The following MED13L variants were observed in gnomAD, a reference collection of about 807,000 sequenced individuals.
MED13L encodes the protein mediator complex subunit 13L.
MED13L carries 7 observed loss-of-function variants against 220.9 expected under a neutral mutation model. That is an observed-to-expected ratio of 0.03 (90% confidence interval 0.02 to 0.06). MED13L has a LOEUF of 0.06. MED13L is among the 10% of genes least tolerant of loss of function. The pLI is 1.00. For synonymous variants in MED13L, 1,011 were observed against 1,015.2 expected (o/e 1.00, Z 0.08); for missense variants, 1,965 against 2,760.5 (o/e 0.71, Z 6.46).
chr12:116,034,344 C>T (rs918005212), intron 4 of MED13L, among the ~76,000 whole-genome samples: 1 of 152,010 alleles, frequency 6.6e-6, no homozygotes, highest in Non-Finnish European at 1.5e-5. Flanking sequence ...TGGCATTTTA[C>T]TAGAAGACTC....
intron 16 of MED13L, 129 bp downstream of exon 16, chr12:115,996,347 C>T: frequency 9.5e-7 from 1 of 1,047,204 alleles, no homozygotes; most frequent in African/African-American, 1.6e-5. Context: ...CCGCCTCCAC[C>T]TCCCAAAGTG....
chr12:116,268,567 T>G (rs1873008626), intron 1 of MED13L, among the ~76,000 whole-genome samples: 1 of 152,046 alleles, frequency 6.6e-6, no homozygotes, highest in Admixed American at 6.6e-5. Flanking sequence ...AGGAGGATCA[T>G]TTGAGGCCAG....
intron 7 of MED13L, among the ~76,000 whole-genome samples, chr12:116,015,780 C>G (rs1232769231): frequency 6.6e-6 from 1 of 152,166 alleles, no homozygotes; most frequent in Non-Finnish European, 1.5e-5. Flanking sequence ...AAAGTAATGG[C>G]ACAAAGCTTT....
chr12:116,168,595 C>G (rs954823756), intron 2 of MED13L, among the ~76,000 whole-genome samples: 32 of 152,144 alleles, frequency 2.1e-4, no homozygotes, highest in African/African-American at 7.7e-4. Context: ...AATGAGTATT[C>G]TAATCAATGA....
At chr12:116,091,044 G>A (rs1872153050) in intron 4 of MED13L, among the ~76,000 whole-genome samples, 1 of 145,594 alleles carries the variant, frequency 6.9e-6, no homozygotes, top group South Asian at 2.2e-4. Context: ...AGAATTGCTT[G>A]AACCTGGAGG....
intron 4 of MED13L, among the ~76,000 whole-genome samples, chr12:116,032,749 C>T (rs746820355): frequency 2.0e-5 from 3 of 152,162 alleles, no homozygotes; most frequent in Non-Finnish European, 4.4e-5. Context: ...GCACTCATCA[C>T]ACTGATACAC....
intron 2 of MED13L, among the ~76,000 whole-genome samples, chr12:116,199,483 C>A (rs149205932): frequency 1.6e-3 from 246 of 152,244 alleles, no homozygotes; most frequent in African/African-American, 5.8e-3. Flanking sequence ...AATTGTGTCA[C>A]CCTTGAGGCT....
chr12:116,004,145 G>A, intron 13 of MED13L, among the ~76,000 whole-genome samples: 1 of 152,070 alleles, frequency 6.6e-6, no homozygotes, highest in East Asian at 1.9e-4. Context: ...GATCAGGCAG[G>A]CCACTCCAAA....
At chr12:116,177,258 C>T (rs893383998) in intron 2 of MED13L, among the ~76,000 whole-genome samples, 3 of 152,116 alleles carry the variant, frequency 2.0e-5, no homozygotes, top group Non-Finnish European at 2.9e-5. Flanking sequence ...ATACATGATC[C>T]TGACTTCTAT....
chr12:116,196,717 CATTTAT>C (rs1378699530), intron 2 of MED13L, among the ~76,000 whole-genome samples: 1 of 152,150 alleles, frequency 6.6e-6, no homozygotes, highest in Non-Finnish European at 1.5e-5. Flanking sequence ...ATTTAGGCTG[CATTTAT>C]ATTATAAAAT....
intron 4 of MED13L, among the ~76,000 whole-genome samples, chr12:116,076,573 C>T (rs12322237): frequency 0.029 from 4,342 of 152,064 alleles, 196 homozygotes; most frequent in African/African-American, 0.099. Context: ...AACTACAAAA[C>T]GCACTCACTA....
intron 4 of MED13L, among the ~76,000 whole-genome samples, chr12:116,066,098 C>T (rs1379777270): frequency 6.6e-6 from 1 of 152,208 alleles, no homozygotes; most frequent in Non-Finnish European, 1.5e-5. Context: ...TTGACTCTCT[C>T]TCTCTCACAC....
chr12:116,184,678 C>T (rs1040536288), intron 2 of MED13L, among the ~76,000 whole-genome samples: 4 of 152,084 alleles, frequency 2.6e-5, no homozygotes, highest in Admixed American at 6.5e-5. Context: ...TTTCTGATGT[C>T]AAATATTCAC....
intron 2 of MED13L, among the ~76,000 whole-genome samples, chr12:116,113,114 A>T (rs1874219265): frequency 6.6e-6 from 1 of 152,218 alleles, no homozygotes; most frequent in African/African-American, 2.4e-5. Context: ...TAAATTAGTT[A>T]AAAATTCCTA....
intron 16 of MED13L, among the ~76,000 whole-genome samples, chr12:115,995,079 C>T (rs1878311933): frequency 6.6e-6 from 1 of 152,228 alleles, no homozygotes; most frequent in Non-Finnish European, 1.5e-5. Context: ...CTGTACTTTT[C>T]TGTCACCGTT....
intron 1 of MED13L, among the ~76,000 whole-genome samples, chr12:116,265,114 G>C (rs951282920): frequency 5.9e-5 from 9 of 152,106 alleles, no homozygotes; most frequent in African/African-American, 1.7e-4. Flanking sequence ...GAACTACCAA[G>C]CTGCCCAAAT....
chr12:116,144,427 G>C (rs890190994), intron 2 of MED13L, among the ~76,000 whole-genome samples: 1 of 152,046 alleles, frequency 6.6e-6, no homozygotes, highest in Non-Finnish European at 1.5e-5. Context: ...AACTGAGTTT[G>C]GTCTGAGAAT....
chr12:116,250,802 T>G (rs61937381), intron 1 of MED13L, among the ~76,000 whole-genome samples: 26 of 150,568 alleles, frequency 1.7e-4, no homozygotes, highest in African/African-American at 6.3e-4. Context: ...AAAAAAAATT[T>G]GTTTTCTCAT....
chr12:115,966,212 G>A lies in MED13L; in HGVS notation c.6257C>T (p.Ala2086Val), dbSNP rs1437547264. The A allele has an allele frequency of 1.2e-6, 2 of 1,614,106 alleles. No individual in the cohort carries two copies. Reference sequence around the variant, plus strand: ...GGGCTGCTGCTTTAGCTCCTCTGGTGCTTCTCTAGAAAGAAGACGCTCACC... The same window carrying A: ...GGGCTGCTGCTTTAGCTCCTCTGGTACTTCTCTAGAAAGAAGACGCTCACC... ...SQGERLLSREAPEELKQQPLA... is the reference protein window; with the variant it reads ...SQGERLLSREVPEELKQQPLA... Residue 2086 changes from alanine (A) to valine (V), a missense_variant, in exon 29 of 31, where the codon GCA becomes GTA. Ala to Val is a moderately conservative substitution (Grantham distance 64, BLOSUM62 0). Around this residue, in one of 10 missense-constraint regions of MED13L, gnomAD observed 145 missense variants for 328.3 expected, o/e 0.44. Coordinates refer to ENST00000281928, the MANE Select transcript of MED13L (RefSeq NM_015335.5).
Sources: gnomAD v4.1 joint callset for allele counts (sites outside exome capture counted in the v4.1 genomes callset) on GRCh38, gnomAD v4.1.1 for gene constraint, gnomAD v4.1.1 regional missense constraint, MANE v1.5 for transcripts, NCBI Gene and HGNC (gene_info 2026-07-23, HGNC 2026-07-21) for gene names.